Variants in ADAMTS16 observed in about 807,000 individuals in gnomAD.
ADAMTS16 encodes the protein A disintegrin and metalloproteinase with thrombospondin motifs 16.
A neutral mutation model predicts 145.8 loss-of-function variants in ADAMTS16; 94 were observed. That is an observed-to-expected ratio of 0.64 (90% CI 0.55 to 0.77). The LOEUF (loss-of-function observed/expected upper bound fraction) is 0.77, where lower values mean the gene tolerates loss of function less well. ADAMTS16 is among the 30% of genes least tolerant of loss of function. The pLI is 0.00. For synonymous variants in ADAMTS16, 659 were observed against 604.3 expected, an observed-to-expected ratio of 1.09 and a Z score of -1.33; for missense variants, 1,585 against 1,591.5, an observed-to-expected ratio of 1.00 and a Z score of 0.07.
chr5:5,172,249 T>A (rs1474043019), intron 3 of ADAMTS16, among the ~76,000 whole-genome samples: 1 of 152,018 alleles, frequency 6.6e-6, no homozygotes, highest in Non-Finnish European at 1.5e-5. Flanking sequence ...CTTTCATCTA[T>A]TTTGGCTCTG....
At chr5:5,141,431 G>C (rs1040630744) in intron 2 of ADAMTS16, among the ~76,000 whole-genome samples, 1 of 152,156 alleles carries the variant, frequency 6.6e-6, no homozygotes, top group African/African-American at 2.4e-5. Flanking sequence ...GTGACATTTG[G>C]AAATTTGCTG....
chr5:5,264,564 G>GTC (rs1400976250), intron 18 of ADAMTS16, among the ~76,000 whole-genome samples: 1 of 152,126 alleles, frequency 6.6e-6, no homozygotes, highest in African/African-American at 2.4e-5. Context: ...GTTACCCCTG[G>GTC]TCTCTCTCTC....
chr5:5,195,888 G>T (rs932468724), intron 8 of ADAMTS16, among the ~76,000 whole-genome samples: 1 of 152,040 alleles, frequency 6.6e-6, no homozygotes, highest in Non-Finnish European at 1.5e-5. Context: ...GAGAGCTGTC[G>T]GTATTGCAAG....
At chr5:5,306,892 G>A (rs1018358780) in intron 21 of ADAMTS16, among the ~76,000 whole-genome samples, 164 bp downstream of exon 21, 48 of 152,312 alleles carry the variant, frequency 3.2e-4, no homozygotes, top group African/African-American at 1.0e-3. Flanking sequence ...TGGTTCCTGG[G>A]TGTGGGTGTG....
At chr5:5,165,396 C>T (rs1734848027) in intron 3 of ADAMTS16, among the ~76,000 whole-genome samples, 1 of 152,144 alleles carries the variant, frequency 6.6e-6, no homozygotes, top group African/African-American at 2.4e-5. Flanking sequence ...AATGCAGCTG[C>T]TAATCCCTAC....
chr5:5,230,347 T>C (rs13181641), intron 11 of ADAMTS16, among the ~76,000 whole-genome samples: 34,493 of 152,132 alleles, frequency 0.23, 4,623 homozygotes, highest in Middle Eastern at 0.34. Flanking sequence ...AAATACCAAA[T>C]TGGAATTTTG....
intron 18 of ADAMTS16, among the ~76,000 whole-genome samples, chr5:5,279,748 C>A (rs1306264646): frequency 6.6e-6 from 1 of 150,822 alleles, no homozygotes; most frequent in Non-Finnish European, 1.5e-5. Flanking sequence ...TTGTTTTATA[C>A]CTGATTACCC....
chr5:5,259,763 C>T (rs781214518), intron 17 of ADAMTS16, among the ~76,000 whole-genome samples: 1 of 152,204 alleles, frequency 6.6e-6, no homozygotes, highest in Non-Finnish European at 1.5e-5. Flanking sequence ...CTGCAGCTTT[C>T]TTGTTAGGAA....
chr5:5,189,916 A>G, intron 6 of ADAMTS16, 55 bp from the exon 7 acceptor site: 3 of 1,592,498 alleles, frequency 1.9e-6, no homozygotes, highest in Non-Finnish European at 2.6e-6. Flanking sequence ...ACAATGCATT[A>G]TAACATGTTT....
At chr5:5,280,407 A>G (rs1368789820) in intron 18 of ADAMTS16, among the ~76,000 whole-genome samples, 2 of 152,168 alleles carry the variant, frequency 1.3e-5, no homozygotes, top group Non-Finnish European at 2.9e-5. Flanking sequence ...TGAACATCTT[A>G]TGACTACTTA....
At chr5:5,241,272 G>T (rs1435910327) in intron 16 of ADAMTS16, among the ~76,000 whole-genome samples, 1 of 152,228 alleles carries the variant, frequency 6.6e-6, no homozygotes, top group African/African-American at 2.4e-5. Context: ...TTCCAACTAA[G>T]ATTCAAGGAT....
At chr5:5,167,097 C>A (rs1370509328) in intron 3 of ADAMTS16, among the ~76,000 whole-genome samples, 2 of 152,146 alleles carry the variant, frequency 1.3e-5, no homozygotes, top group African/African-American at 4.8e-5. Context: ...TTTTGTACTG[C>A]TCATTACCTG....
chr5:5,222,570 T>G (rs185146610), intron 10 of ADAMTS16, among the ~76,000 whole-genome samples: 62 of 152,284 alleles, frequency 4.1e-4, no homozygotes, highest in African/African-American at 1.5e-3. Context: ...AATATATAAA[T>G]AAAACAAATA....
At chr5:5,150,295 G>T (rs1734414529) in intron 3 of ADAMTS16, among the ~76,000 whole-genome samples, 1 of 152,170 alleles carries the variant, frequency 6.6e-6, no homozygotes, top group Non-Finnish European at 1.5e-5. Context: ...TGTGAAGTGG[G>T]TTCACTGTGC....
Position 5,181,370 on chromosome 5 carries a change from TA to T in ADAMTS16, c.502-668del, listed in dbSNP as rs145403928. 3.7e-3 allele frequency among the ~76,000 whole-genome samples: 557 copies of T among 152,304 alleles called. 5 individuals are homozygous for T. Among genetic ancestry groups the T allele is most frequent in the African/African-American group, 0.013 (533 of 41,566 alleles). ...TAAAAATATTTGTCACCCTAAAAGG[TA>T]AAAAAGCAATCGATTTTGTCTCTCT... On this transcript the variant is annotated intron_variant, in intron 3 of 22. Transcript: ENST00000274181.
intron 8 of ADAMTS16, among the ~76,000 whole-genome samples, chr5:5,193,372 A>G (rs1347916814): frequency 6.6e-6 from 1 of 152,220 alleles, no homozygotes; most frequent in Admixed American, 6.5e-5. Flanking sequence ...TTCACTTTAT[A>G]AAGCTTTCAG....
intron 18 of ADAMTS16, among the ~76,000 whole-genome samples, chr5:5,292,762 C>G (rs749260945): frequency 5.3e-5 from 8 of 152,132 alleles, no homozygotes; most frequent in Non-Finnish European, 8.8e-5. Context: ...TCACCATAAC[C>G]TTTCACTGTT....
chr5:5,182,920 T>C (rs762621467), intron 4 of ADAMTS16, among the ~76,000 whole-genome samples: 3 of 152,214 alleles, frequency 2.0e-5, no homozygotes, highest in African/African-American at 4.8e-5. Context: ...CAAACATCAC[T>C]GGGTGAACCT....
chr5:5,163,210 G>C (rs1734787521), intron 3 of ADAMTS16, among the ~76,000 whole-genome samples: 1 of 152,146 alleles, frequency 6.6e-6, no homozygotes, highest in African/African-American at 2.4e-5. Flanking sequence ...TGAGTGACAA[G>C]CATACACACT....
Sources: gnomAD v4.1 joint callset for allele counts (sites outside exome capture counted in the v4.1 genomes callset) on GRCh38, gnomAD v4.1.1 for gene constraint, MANE v1.5 for transcripts, NCBI Gene and HGNC (gene_info 2026-07-23, HGNC 2026-07-21) for gene names.